Variants in GPRC6A observed in about 807,000 individuals in gnomAD.
GPRC6A encodes G protein-coupled receptor class C group 6 member A.
A neutral mutation model predicts 47.0 loss-of-function variants in GPRC6A; 54 were observed. The ratio of observed to expected loss-of-function variants is 1.15; its 90% CI spans 0.92 to 1.44. The LOEUF (loss-of-function observed/expected upper bound fraction) is 1.44, where lower values mean the gene tolerates loss of function less well. Ranked by LOEUF, GPRC6A falls within the 40% of genes most tolerant of loss-of-function variation. The pLI is 0.00. For synonymous variants in GPRC6A, 347 were observed against 377.1 expected, an observed-to-expected ratio of 0.92 and a Z score of 0.93; for missense variants, 1,112 against 1,105.5, an observed-to-expected ratio of 1.01 and a Z score of -0.08.
chr6:116,803,940 A>G (rs988882509), intron 3 of GPRC6A, among the ~76,000 whole-genome samples: 2 of 152,046 alleles, frequency 1.3e-5, no homozygotes, highest in Admixed American at 6.6e-5. Flanking sequence ...TTGATTGTAT[A>G]TATCAATGGA....
rs773225573 is a variant in GPRC6A, at chr6:116,806,729, A to T, written c.976T>A (p.Phe326Ile). 10 of 1,613,454 alleles carry T rather than the reference A, an allele frequency of 6.2e-6. No individual in the cohort carries two copies. In the South Asian group the frequency reaches 9.9e-5, roughly 16 times the overall value. Residue 326 changes from phenylalanine to isoleucine, a missense_variant, in exon 3 of 6, where the codon TTT becomes ATT. Phe to Ile is a conservative substitution (Grantham distance 21). Coordinates refer to ENST00000310357, the MANE Select transcript of GPRC6A (RefSeq NM_148963.4). The part of the protein sequence containing the change: ...NVKKIGKVVG[F>I]AFRRGNISSF... ...GATATATTCCCTCTTCTAAAGGCAA[A>T]CCCTACAACTTTGCCAATCTTTTTA...
chr6:116,807,809 G>C (rs1486410598), intron 2 of GPRC6A, among the ~76,000 whole-genome samples: 1 of 152,044 alleles, frequency 6.6e-6, no homozygotes, highest in Non-Finnish European at 1.5e-5. Context: ...AACCACATTT[G>C]GTCCGCAGGC....
intron 1 of GPRC6A, among the ~76,000 whole-genome samples, chr6:116,811,151 A>G (rs1773010133): frequency 6.6e-6 from 1 of 152,082 alleles, no homozygotes; most frequent in African/African-American, 2.4e-5. Context: ...TCCCATTAAT[A>G]ACTGTACCTA....
chr6:116,826,809 A>G (rs1005569885), intron 1 of GPRC6A, among the ~76,000 whole-genome samples: 4 of 152,002 alleles, frequency 2.6e-5, no homozygotes, highest in African/African-American at 9.7e-5. Flanking sequence ...GTGTCCATCA[A>G]TAGAAGAATA....
chr6:116,807,092 T>A lies in GPRC6A; in HGVS notation c.613A>T (p.Lys205Ter). Residue 205 changes from lysine to a stop codon, truncating the protein, a stop_gained, in exon 3 of 6, where the codon AAA (lysine) becomes TAA (stop). Transcript: ENST00000310357. LOFTEE classifies it high-confidence loss of function. ...QIKAMAHLIQKSGWNWIGIIT... is the reference protein window; with the variant it reads ...QIKAMAHLIQ ...ATGCCAATCCAGTTCCAACCAGATT[T>A]CTGAATCAGGTGAGCCATTGCTTTA... is the stretch of plus-strand genomic sequence containing the variant. 6.2e-7 allele frequency: 1 copy of A among 1,613,350 alleles called. No individual in the cohort carries two copies. The highest frequency in any genetic ancestry group is 8.5e-7 in the Non-Finnish European group (1 of 1,179,334).
chr6:116,821,736 A>G (rs1773489232), intron 1 of GPRC6A, among the ~76,000 whole-genome samples: 2 of 152,034 alleles, frequency 1.3e-5, no homozygotes, highest in South Asian at 4.1e-4. Flanking sequence ...CTTAAACGTT[A>G]GACCTAAAAC....
chr6:116,816,693 A>G (rs1191930630), intron 1 of GPRC6A, among the ~76,000 whole-genome samples: 4 of 151,836 alleles, frequency 2.6e-5, no homozygotes, highest in African/African-American at 4.8e-5. Context: ...CCGTGCGCGA[A>G]CCGAAGCAGG....
chr6:116,817,616 G>T (rs547591933), intron 1 of GPRC6A, among the ~76,000 whole-genome samples: 2 of 152,168 alleles, frequency 1.3e-5, no homozygotes, highest in African/African-American at 4.8e-5. Context: ...CAAAGGCAAA[G>T]AAGTTGAAAA....
At chr6:116,804,358 C>T (rs1772774089) in intron 3 of GPRC6A, among the ~76,000 whole-genome samples, 1 of 152,064 alleles carries the variant, frequency 6.6e-6, no homozygotes, top group African/African-American at 2.4e-5. Flanking sequence ...CATCTAAAAT[C>T]ATTTAGAAAG....
chr6:116,820,144 C>G (rs1004475064), intron 1 of GPRC6A, among the ~76,000 whole-genome samples: 1 of 150,694 alleles, frequency 6.6e-6, no homozygotes, highest in Non-Finnish European at 1.5e-5. Flanking sequence ...TACACTCTCC[C>G]AAGACTAAAC....
intron 1 of GPRC6A, among the ~76,000 whole-genome samples, chr6:116,816,640 T>G (rs1397863689): frequency 6.6e-6 from 1 of 152,166 alleles, no homozygotes; most frequent in African/African-American, 2.4e-5. Flanking sequence ...TTCATCTCAC[T>G]AGGGAGTGCC....
In GPRC6A at chr6:116,792,887, G is replaced by A. The variant is rs118009892; in HGVS notation, c.2036C>T (p.Thr679Met). Residue 679 changes from threonine (T) to methionine (M), a missense_variant, in exon 6 of 6, where the codon ACG becomes ATG. By Grantham distance (81) the Thr-to-Met change is moderately conservative. Coordinates refer to ENST00000310357, the MANE Select transcript of GPRC6A (RefSeq NM_148963.4). ...SFTLCISCIL[T>M]KSLKILLAFS... Reference sequence around the variant, plus strand: ...GGCTAGCAAAATTTTCAGAGACTTCGTCAAAATGCAGGAGATGCAAAGAGT... The same window carrying A: ...GGCTAGCAAAATTTTCAGAGACTTCATCAAAATGCAGGAGATGCAAAGAGT... 2,551 of 1,614,062 alleles carry A rather than the reference G, an allele frequency of 1.6e-3. 6 individuals are homozygous for A. Among genetic ancestry groups the A allele is most frequent in the Non-Finnish European group, 2.0e-3 (2,343 of 1,179,978 alleles).
chr6:116,817,082 C>T (rs1319545935), intron 1 of GPRC6A, among the ~76,000 whole-genome samples: 7 of 152,132 alleles, frequency 4.6e-5, no homozygotes, highest in African/African-American at 1.7e-4. Context: ...CCTCTGGGGG[C>T]AGGGCACAGA....
Position 116,807,085 on chromosome 6 carries a change from C to A in GPRC6A, c.620G>T (p.Gly207Val). ...GGTTATGATGCCAATCCAGTTCCAA[C>A]CAGATTTCTGAATCAGGTGAGCCAT... ...KAMAHLIQKSGWNWIGIITTD... is the reference protein window; with the variant it reads ...KAMAHLIQKSVWNWIGIITTD... The change falls in exon 3 of 6, where the codon GGT (glycine) becomes GTT (valine). Residue 207 changes from glycine to valine, a missense_variant. Gly to Val is a moderately radical substitution (Grantham distance 109, BLOSUM62 -3). Coordinates refer to ENST00000310357, the MANE Select transcript of GPRC6A (RefSeq NM_148963.4). The A allele has an allele frequency of 2.5e-6, 4 of 1,613,664 alleles. No homozygotes were observed. The highest frequency in any genetic ancestry group is 2.2e-5 in the East Asian group (1 of 44,866).
chr6:116,821,648 G>A (rs868305473), intron 1 of GPRC6A, among the ~76,000 whole-genome samples: 31 of 152,168 alleles, frequency 2.0e-4, no homozygotes, highest in African/African-American at 7.5e-4. Flanking sequence ...GGGAAAACTG[G>A]CTAGCCATAT....
Position 116,792,510 on chromosome 6 carries a change from T to C in GPRC6A, c.2413A>G (p.Thr805Ala). The change falls in exon 6 of 6, where the codon ACA (threonine) becomes GCA (alanine). Residue 805 changes from threonine (T) to alanine (A), a missense_variant. Transcript: ENST00000310357. ...WITFIPIYAT[T>A]FGKYVPAVEI... The stretch of plus-strand genomic sequence containing the variant: ...ACAGCTGGTACATATTTGCCAAATG[T>C]GGTAGCATAGATAGGGATGAATGTG... 4 of 1,613,864 alleles carry C rather than the reference T, an allele frequency of 2.5e-6. No homozygotes were observed. Among genetic ancestry groups the C allele is most frequent in the Non-Finnish European group, 3.4e-6 (4 of 1,179,856 alleles).
At chr6:116,821,932 A>C (rs919039692) in intron 1 of GPRC6A, among the ~76,000 whole-genome samples, 26 of 149,548 alleles carry the variant, frequency 1.7e-4, no homozygotes, top group East Asian at 7.8e-4. Flanking sequence ...CAACCTACAA[A>C]ATGGGAGAAA....
At chr6:116,793,725 G>A (rs368716060) in intron 5 of GPRC6A, among the ~76,000 whole-genome samples, 33 of 152,230 alleles carry the variant, frequency 2.2e-4, no homozygotes, top group Middle Eastern at 3.4e-3. Context: ...AGACTCTGCC[G>A]TATTGTGATG....
chr6:116,816,866 C>T (rs1731729954), intron 1 of GPRC6A, among the ~76,000 whole-genome samples: 1 of 152,228 alleles, frequency 6.6e-6, no homozygotes, highest in South Asian at 2.1e-4. Context: ...TTATATCCCG[C>T]ACCTGGCTCA....
Sources: gnomAD v4.1 joint callset for allele counts (sites outside exome capture counted in the v4.1 genomes callset) on GRCh38, gnomAD v4.1.1 for gene constraint, MANE v1.5 for transcripts, NCBI Gene and HGNC (gene_info 2026-07-23, HGNC 2026-07-21) for gene names.